Variants in NEGR1 observed in about 807,000 individuals in gnomAD.
NEGR1 encodes neuronal growth regulator 1.
In NEGR1, 10 loss-of-function variants were observed where a neutral mutation model predicts 40.9. That is an observed-to-expected ratio of 0.24 (90% CI 0.15 to 0.42). NEGR1 has a LOEUF of 0.42. NEGR1 is among the 10% of genes least tolerant of loss of function. The pLI is 1.00. For synonymous variants in NEGR1, 185 were observed against 166.8 expected, an observed-to-expected ratio of 1.11 and a Z score of -0.84; for missense variants, 352 against 438.9, an observed-to-expected ratio of 0.80 and a Z score of 1.77.
chr1:71,587,138 T>C (rs1366622327), intron 6 of NEGR1, among the ~76,000 whole-genome samples: 2 of 152,216 alleles, frequency 1.3e-5, no homozygotes, highest in Admixed American at 6.6e-5. Context: ...GGTATCACCT[T>C]TCAGGGTTCA....
intron 1 of NEGR1, among the ~76,000 whole-genome samples, chr1:72,030,472 TG>T (rs1230100146): frequency 6.6e-6 from 1 of 152,134 alleles, no homozygotes; most frequent in African/African-American, 2.4e-5. Flanking sequence ...ATACCATACA[TG>T]GGTACCTGGT....
In NEGR1 at chr1:71,606,760, TC is replaced by T. The variant is rs1291117956; in HGVS notation, c.788+4265del. Among the ~76,000 whole-genome samples the T allele has an allele frequency of 3.3e-5, 5 of 150,732 alleles. 1 individual carries two copies. Among genetic ancestry groups the T allele is most frequent in the African/African-American group, 2.5e-5 (1 of 40,386 alleles). On this transcript the variant is annotated intron_variant, in intron 5 of 6. Transcript: ENST00000357731. ...AACTGGAAAGTGTTTTTTTTTTTTT[TC>T]CTCAGTAAGTGTATATTTCTTTCTT...
intron 6 of NEGR1, among the ~76,000 whole-genome samples, chr1:71,520,416 C>A (rs1318107386): frequency 5.3e-5 from 8 of 152,054 alleles, no homozygotes; most frequent in Non-Finnish European, 1.2e-4. Flanking sequence ...CTTTTCGAAG[C>A]AAACTCAGTT....
At chr1:72,017,202 T>C (rs1457374837) in intron 1 of NEGR1, among the ~76,000 whole-genome samples, 1 of 151,684 alleles carries the variant, frequency 6.6e-6, no homozygotes, top group Non-Finnish European at 1.5e-5. Context: ...AGTAGATAAG[T>C]AACTAGAATA....
At chr1:71,453,200 G>T (rs1015577350) in intron 6 of NEGR1, among the ~76,000 whole-genome samples, 1 of 152,140 alleles carries the variant, frequency 6.6e-6, no homozygotes, top group East Asian at 1.9e-4. Flanking sequence ...ATTCAGAGAC[G>T]TGTTTTATGG....
At chr1:71,416,353 T>C (rs1646355601) in intron 6 of NEGR1, among the ~76,000 whole-genome samples, 1 of 152,210 alleles carries the variant, frequency 6.6e-6, no homozygotes, top group Non-Finnish European at 1.5e-5. Flanking sequence ...TTACCTAAAC[T>C]AGCTTATTTT....
At chr1:71,669,299 A>C (rs1331271379) in intron 4 of NEGR1, among the ~76,000 whole-genome samples, 1 of 152,196 alleles carries the variant, frequency 6.6e-6, no homozygotes, top group African/African-American at 2.4e-5. Flanking sequence ...TCTTTTAATT[A>C]GAATATATAT....
chr1:72,135,383 AAAAAAAC>A (rs1650416973), intron 1 of NEGR1, among the ~76,000 whole-genome samples: 4 of 142,744 alleles, frequency 2.8e-5, no homozygotes, highest in Non-Finnish European at 6.0e-5. Flanking sequence ...CTCAAAAAAA[AAAAAAAC>A]AAAAAACAAA....
intron 1 of NEGR1, among the ~76,000 whole-genome samples, chr1:72,215,113 G>T (rs1158505038): frequency 6.6e-6 from 1 of 152,074 alleles, no homozygotes; most frequent in East Asian, 1.9e-4. Flanking sequence ...AAGTAATGGG[G>T]AAAGGATTCC....
intron 2 of NEGR1, among the ~76,000 whole-genome samples, chr1:71,816,310 C>G (rs553630053): frequency 7.2e-5 from 11 of 152,028 alleles, no homozygotes; most frequent in Non-Finnish European, 1.5e-4. Flanking sequence ...TGCACTTTTA[C>G]CATCTTAGCA....
intron 4 of NEGR1, among the ~76,000 whole-genome samples, chr1:71,675,898 T>A (rs1652618630): frequency 6.6e-6 from 1 of 151,950 alleles, no homozygotes; most frequent in Non-Finnish European, 1.5e-5. Flanking sequence ...GACCTCCTGG[T>A]CTAAAGTATC....
chr1:71,917,920 AAAG>A (rs1303450147), intron 2 of NEGR1, among the ~76,000 whole-genome samples: 2 of 151,400 alleles, frequency 1.3e-5, no homozygotes, highest in Non-Finnish European at 2.9e-5. Context: ...TGCAACGTTA[AAAG>A]AAGAACACAT....
intron 4 of NEGR1, among the ~76,000 whole-genome samples, chr1:71,688,502 G>A (rs1195663481): frequency 8.0e-5 from 5 of 62,822 alleles, no homozygotes; most frequent in East Asian, 4.6e-4. Flanking sequence ...CTGTCGCCCC[G>A]AGCTGGAGTG....
At chr1:72,092,024 AG>A (rs1466621424) in intron 1 of NEGR1, among the ~76,000 whole-genome samples, 1 of 151,808 alleles carries the variant, frequency 6.6e-6, no homozygotes, top group Non-Finnish European at 1.5e-5. Flanking sequence ...AGTGAGGGTT[AG>A]GGATTCAACA....
At position 71,829,447 on chromosome 1, in the gene NEGR1, A is replaced by G. The variant is rs978107811; in HGVS notation, c.410-53150T>C. Among the ~76,000 whole-genome samples, 111 of 151,814 alleles carry G rather than the reference A, an allele frequency of 7.3e-4. 1 individual carries two copies. The highest frequency in any genetic ancestry group is 2.6e-3 in the African/African-American group (109 of 41,358). On this transcript the variant is annotated intron_variant, in intron 2 of 6. Transcript: ENST00000357731. ...AGATACCACACTCCAATTATTTCCA[A>G]CAGGGGGTTCTGATATATAATCAGA...
chr1:71,997,387 C>T (rs1406709823), intron 1 of NEGR1, among the ~76,000 whole-genome samples: 1 of 152,000 alleles, frequency 6.6e-6, no homozygotes, highest in East Asian at 1.9e-4. Flanking sequence ...TATCATAGCA[C>T]CAATTATACT....
chr1:71,533,498 C>G (rs934544670), intron 6 of NEGR1, among the ~76,000 whole-genome samples: 1 of 151,600 alleles, frequency 6.6e-6, no homozygotes. Context: ...CACACACATG[C>G]ACATATCCCT....
chr1:72,132,230 G>A (rs1163279772), intron 1 of NEGR1, among the ~76,000 whole-genome samples: 1 of 152,156 alleles, frequency 6.6e-6, no homozygotes, highest in African/African-American at 2.4e-5. Context: ...TTACTATGAA[G>A]TTAGAAATTC....
intron 1 of NEGR1, among the ~76,000 whole-genome samples, chr1:72,107,745 T>C (rs1329076007): frequency 1.3e-5 from 2 of 151,380 alleles, no homozygotes; most frequent in Non-Finnish European, 3.0e-5. Flanking sequence ...TATATATGTA[T>C]GTGTATATAT....
Sources: allele counts gnomAD v4.1 joint callset (sites outside exome capture counted in the v4.1 genomes callset), GRCh38; gene constraint gnomAD v4.1.1; transcripts MANE v1.5; gene names NCBI Gene and HGNC (gene_info 2026-07-23, HGNC 2026-07-21).